Variants in TMEM108 observed in about 807,000 individuals in gnomAD.
TMEM108 encodes cancer/testis antigen 124.
Under a neutral mutation model 35.1 loss-of-function variants are expected in TMEM108, and 12 were observed. The observed-to-expected ratio is 0.34, with a 90% CI of 0.22 to 0.55. TMEM108 has a LOEUF of 0.55. Among genes scored for constraint, TMEM108 ranks in the 20% least tolerant of loss-of-function variants. The pLI, the probability that TMEM108 is intolerant of heterozygous loss-of-function variation, is 0.89. For missense variants in TMEM108, 680 were observed against 753.3 expected (o/e 0.90, Z 1.14); for synonymous variants, 287 against 308.6 (o/e 0.93, Z 0.73).
intron 3 of TMEM108, among the ~76,000 whole-genome samples, chr3:133,358,586 G>T (rs1477439885): frequency 6.6e-6 from 1 of 152,168 alleles, no homozygotes; most frequent in Non-Finnish European, 1.5e-5. Context: ...CAGTGCTCCA[G>T]GTGGACTCTC....
intron 2 of TMEM108, among the ~76,000 whole-genome samples, chr3:133,087,649 T>C (rs1055116889): frequency 5.3e-5 from 8 of 152,200 alleles, no homozygotes; most frequent in Non-Finnish European, 1.2e-4. Flanking sequence ...ACTACCTGTC[T>C]CAGGTATCCT....
At chr3:133,155,645 G>A (rs1342364080) in intron 2 of TMEM108, among the ~76,000 whole-genome samples, 1 of 152,090 alleles carries the variant, frequency 6.6e-6, no homozygotes, top group Non-Finnish European at 1.5e-5. Context: ...TTGGCCACAT[G>A]TATATCTTCT....
chr3:133,096,149 T>C (rs1427182680), intron 2 of TMEM108, among the ~76,000 whole-genome samples: 1 of 152,102 alleles, frequency 6.6e-6, no homozygotes, highest in African/African-American at 2.4e-5. Flanking sequence ...CTCCTGAGGA[T>C]GCAGTGGTGG....
At chr3:133,253,042 G>A (rs1946493797) in intron 3 of TMEM108, among the ~76,000 whole-genome samples, 1 of 152,184 alleles carries the variant, frequency 6.6e-6, no homozygotes. Context: ...AAGTATACAA[G>A]AGGATGTGTG....
chr3:133,253,247 T>C (rs944962010), intron 3 of TMEM108: 4 of 152,148 alleles, frequency 2.6e-5, no homozygotes, highest in African/African-American at 9.7e-5. Context: ...GCAGAAACAT[T>C]TGTCTGAGAT....
At chr3:133,211,980 CTAT>C (rs1945839992) in intron 2 of TMEM108, among the ~76,000 whole-genome samples, 1 of 152,112 alleles carries the variant, frequency 6.6e-6, no homozygotes, top group Non-Finnish European at 1.5e-5. Context: ...GAAAGGAGCT[CTAT>C]TACAGGTGGG....
At chr3:133,342,544 G>GTGTGTATATATATATATA (rs1437254898) in intron 3 of TMEM108, among the ~76,000 whole-genome samples, 1 of 46,640 alleles carries the variant, frequency 2.1e-5, no homozygotes, top group East Asian at 3.8e-4. Flanking sequence ...AGAAAATGTG[G>GTGTGTATATATATATATA]TATATATATA....
chr3:133,351,750 T>C (rs538450177), intron 3 of TMEM108, among the ~76,000 whole-genome samples: 23 of 152,286 alleles, frequency 1.5e-4, no homozygotes, highest in African/African-American at 5.1e-4. Flanking sequence ...ATCACACAGC[T>C]GAAAGCACTC....
At chr3:133,279,521 A>C (rs1322880894) in intron 3 of TMEM108, among the ~76,000 whole-genome samples, 1 of 152,022 alleles carries the variant, frequency 6.6e-6, no homozygotes, top group Non-Finnish European at 1.5e-5. Context: ...GCCTCTCGTA[A>C]CTCCACAGTT....
chr3:133,062,456 G>A (rs1410790959), intron 2 of TMEM108, among the ~76,000 whole-genome samples: 1 of 152,174 alleles, frequency 6.6e-6, no homozygotes, highest in East Asian at 1.9e-4. Context: ...AAGGAATTTG[G>A]TTAGTGACCT....
rs546977195 is a variant in TMEM108 at position 133,147,441 on chromosome 3, G to A, written c.-46-81825G>A. On this transcript the variant is annotated intron_variant, in intron 2 of 5. Transcript: ENST00000321871. Reference sequence around the variant, plus strand: ...ACAAAAGCCATTCTGACTGGTGTGAGATGGTATCTCTTTGTGGTTTTGATT... The same window carrying A: ...ACAAAAGCCATTCTGACTGGTGTGAAATGGTATCTCTTTGTGGTTTTGATT... Among the ~76,000 whole-genome samples the A allele has an allele frequency of 2.0e-4, 30 of 152,282 alleles. No homozygotes were observed. In the South Asian group the frequency reaches 5.6e-3, roughly 28 times the overall value.
intron 1 of TMEM108, among the ~76,000 whole-genome samples, chr3:133,043,202 A>G (rs968703971): frequency 4.6e-5 from 7 of 152,172 alleles, no homozygotes; most frequent in African/African-American, 1.7e-4. Context: ...CTTTCATATA[A>G]TTCACTTCAT....
chr3:133,357,980 A>G (rs1322269076), intron 3 of TMEM108, among the ~76,000 whole-genome samples: 1 of 152,226 alleles, frequency 6.6e-6, no homozygotes, highest in African/African-American at 2.4e-5. Flanking sequence ...GACAAGCTAT[A>G]GTTTCTTCAG....
chr3:133,389,459 G>A (rs562630292), intron 4 of TMEM108: 70 of 935,620 alleles, frequency 7.5e-5, no homozygotes, highest in East Asian at 5.8e-4. Flanking sequence ...TGAGGCAGGC[G>A]GATTACCTGA....
In TMEM108 at chr3:133,191,570, C is replaced by A. The variant is rs569006052; in HGVS notation, c.-46-37696C>A. Among the ~76,000 whole-genome samples, 243 of 152,266 alleles carry A rather than the reference C, an allele frequency of 1.6e-3. 2 individuals are homozygous for A. Among genetic ancestry groups the A allele is most frequent in the African/African-American group, 4.7e-3 (196 of 41,544 alleles). On this transcript the variant is annotated intron_variant, in intron 2 of 5. Coordinates refer to ENST00000321871, the MANE Select transcript of TMEM108 (RefSeq NM_023943.4). The stretch of plus-strand genomic sequence containing the variant: ...AATGTCATCTTCACTCTGAGACCCA[C>A]GCAGATGATATCACCTCTATCTGGA...
chr3:133,075,879 A>G (rs1291273508), intron 2 of TMEM108, among the ~76,000 whole-genome samples: 2 of 152,166 alleles, frequency 1.3e-5, no homozygotes, highest in East Asian at 3.9e-4. Flanking sequence ...GGGTGAGGAC[A>G]AAGACAGGAG....
chr3:133,280,163 T>TG (rs1422590549), intron 3 of TMEM108, among the ~76,000 whole-genome samples: 5 of 152,174 alleles, frequency 3.3e-5, no homozygotes. Flanking sequence ...GACGAGATGC[T>TG]GCCTATCTGA....
intron 2 of TMEM108, among the ~76,000 whole-genome samples, chr3:133,220,813 G>T (rs551940390): frequency 6.6e-6 from 1 of 152,286 alleles, no homozygotes; most frequent in African/African-American, 2.4e-5. Context: ...GAAGTAGTAG[G>T]TTGTCACCTA....
chr3:133,366,576 C>T (rs2072506327), intron 3 of TMEM108, among the ~76,000 whole-genome samples: 1 of 152,168 alleles, frequency 6.6e-6, no homozygotes, highest in South Asian at 2.1e-4. Context: ...TCTCCTTGTT[C>T]TTTGTATGTT....
Sources: allele counts gnomAD v4.1 joint callset (sites outside exome capture counted in the v4.1 genomes callset), GRCh38; gene constraint gnomAD v4.1.1; transcripts MANE v1.5; gene names NCBI Gene and HGNC (gene_info 2026-07-23, HGNC 2026-07-21).